SEMA3D: variants seen among roughly 807,000 people sequenced by gnomAD.
SEMA3D encodes semaphorin-3D.
A neutral mutation model predicts 100.1 loss-of-function variants in SEMA3D; 84 were observed. The observed-to-expected ratio is 0.84, with a 90% CI of 0.70 to 1.01. The LOEUF is 1.01. Among genes scored for constraint, SEMA3D ranks in the 50% least tolerant of loss-of-function variants. The pLI is 0.00. For synonymous variants in SEMA3D, 312 were observed against 320.7 expected (o/e 0.97, Z 0.29); for missense variants, 875 against 934.1 (o/e 0.94, Z 0.82).
intron 12 of SEMA3D, chr7:85,029,207 T>G: frequency 1.4e-6 from 1 of 705,572 alleles, no homozygotes; most frequent in Non-Finnish European, 2.7e-6. Context: ...ACCATGGTGC[T>G]CATCAGATTG....
the SEMA3D span, among the ~76,000 whole-genome samples, chr7:85,244,708 CTTTTTT>C: frequency 1.6e-5 from 2 of 121,886 alleles, no homozygotes; most frequent in Non-Finnish European, 3.4e-5. Flanking sequence ...ACTGCACAAT[CTTTTTT>C]TTTTTTTTTT....
upstream of SEMA3D, among the ~76,000 whole-genome samples, chr7:85,189,338 C>T (rs1361290602): frequency 6.6e-6 from 1 of 152,068 alleles, no homozygotes; most frequent in South Asian, 2.1e-4. Context: ...TTTCTAATAA[C>T]TGTATAGGGT....
intron 1 of SEMA3D, among the ~76,000 whole-genome samples, chr7:85,175,873 A>G (rs1791209793): frequency 6.6e-6 from 1 of 152,106 alleles, no homozygotes; most frequent in African/African-American, 2.4e-5. Context: ...ATTTTAAAAT[A>G]TGTCAAGGAT....
chr7:85,068,276 T>C lies in SEMA3D; in HGVS notation c.504A>G (p.Ile168Met). The C allele has an allele frequency of 1.3e-6, 2 of 1,559,872 alleles. No individual in the cohort carries two copies. The highest frequency in any genetic ancestry group is 1.8e-6 in the Non-Finnish European group (2 of 1,130,952). ...IDLGVYKEDI[I>M]FKLDTHNLES... ...CCAAATTATGTGTGTCTAGTTTGAA[T>C]ATAATATCCTGTTATGAGAAATATT... Residue 168 changes from isoleucine to methionine, a missense_variant, in exon 7 of 19, where the codon ATA becomes ATG. Physicochemically the swap from Ile to Met is conservative, Grantham distance 10. Coordinates refer to ENST00000284136, the MANE Select transcript of SEMA3D (RefSeq NM_001384900.1).
chr7:85,240,285 A>G, the SEMA3D span, among the ~76,000 whole-genome samples: 2 of 152,048 alleles, frequency 1.3e-5, no homozygotes, highest in East Asian at 3.9e-4. Context: ...TAGATTGTTG[A>G]TATGATGGAT....
chr7:85,080,589 A>G (rs1424837889), intron 5 of SEMA3D, among the ~76,000 whole-genome samples: 1 of 152,162 alleles, frequency 6.6e-6, no homozygotes, highest in Non-Finnish European at 1.5e-5. Context: ...CCAGGTTACA[A>G]CCTGTTTTCA....
intron 1 of SEMA3D, among the ~76,000 whole-genome samples, chr7:85,173,377 T>A (rs867263802): frequency 1.3e-5 from 2 of 152,056 alleles, no homozygotes; most frequent in Non-Finnish European, 2.9e-5. Context: ...TATTAAGGGT[T>A]TACTCTGTCC....
chr7:85,143,002 T>C (rs1043831272), intron 2 of SEMA3D: 2 of 974,508 alleles, frequency 2.1e-6, no homozygotes, highest in Non-Finnish European at 2.4e-6. Flanking sequence ...TAAACTTTTT[T>C]ATCTTTTCAA....
intron 3 of SEMA3D, among the ~76,000 whole-genome samples, chr7:85,103,792 C>A (rs1017169506): frequency 6.6e-6 from 1 of 151,924 alleles, no homozygotes; most frequent in East Asian, 1.9e-4. Context: ...AGCAAGGACA[C>A]GATTTTTTAT....
the SEMA3D span, among the ~76,000 whole-genome samples, chr7:85,225,555 GA>G: frequency 6.6e-6 from 1 of 152,064 alleles, no homozygotes; most frequent in African/African-American, 2.4e-5. Context: ...TAACCAGATT[GA>G]AAGGTTAAAA....
Position 84,999,518 on chromosome 7 carries a change from G to A in SEMA3D, c.2256C>T (p.His752=), listed in dbSNP as rs765058938. Residue 752 remains histidine (H), a synonymous_variant, in exon 19 of 19, where the codon CAC becomes CAT. Coordinates refer to ENST00000284136, the MANE Select transcript of SEMA3D (RefSeq NM_001384900.1). ...QRNKGGPKWK[H]MQEMKKKRNR... ...TTCGTTTCTTCTTCATTTCCTGCAT[G>A]TGCTTCCACTTTGGGCCCCCCTTGT... is the stretch of plus-strand genomic sequence containing the variant. The A allele has an allele frequency of 6.2e-7, 1 of 1,613,936 alleles. No homozygotes were observed. Among genetic ancestry groups the A allele is most frequent in the Non-Finnish European group, 8.5e-7 (1 of 1,180,026 alleles).
At chr7:85,182,345 T>C (rs1237914987) in intron 1 of SEMA3D, among the ~76,000 whole-genome samples, 2 of 152,172 alleles carry the variant, frequency 1.3e-5, no homozygotes, top group Non-Finnish European at 1.5e-5. Flanking sequence ...ATAACACTTT[T>C]TGCTAAAATC....
chr7:85,032,242 G>A (rs1258736579), intron 12 of SEMA3D, among the ~76,000 whole-genome samples: 2 of 151,924 alleles, frequency 1.3e-5, no homozygotes, highest in African/African-American at 2.4e-5. Context: ...ATGATTTAAT[G>A]TGTAGTGTTA....
chr7:85,151,968 C>T (rs1250405567), intron 2 of SEMA3D, among the ~76,000 whole-genome samples: 3 of 151,886 alleles, frequency 2.0e-5, no homozygotes, highest in South Asian at 2.1e-4. Flanking sequence ...TAGAATAGTT[C>T]ATTATCTTAT....
chr7:85,038,203 T>C lies in SEMA3D; in HGVS notation c.1047-1170A>G, dbSNP rs530107696. ...CCTAAAACTTAAAGTATAATAAAAATAATAATAATAATAACTTAGCATTAA... is the reference window on the plus strand; with the variant it reads ...CCTAAAACTTAAAGTATAATAAAAACAATAATAATAATAACTTAGCATTAA... On this transcript the variant is annotated intron_variant, in intron 11 of 18. Coordinates refer to ENST00000284136, the MANE Select transcript of SEMA3D (RefSeq NM_001384900.1). Among the ~76,000 whole-genome samples the C allele has an allele frequency of 3.9e-4, 59 of 151,988 alleles. No homozygotes were observed. The South Asian group carries it at 0.011, about 27-fold the overall frequency.
intron 12 of SEMA3D, among the ~76,000 whole-genome samples, chr7:85,030,247 G>A (rs532743412): frequency 4.0e-4 from 61 of 151,076 alleles, no homozygotes; most frequent in African/African-American, 1.4e-3. Context: ...AAAAGAACAG[G>A]CTTTTCTGGT....
chr7:85,054,793 C>T (rs1791262016), intron 9 of SEMA3D, among the ~76,000 whole-genome samples: 1 of 152,030 alleles, frequency 6.6e-6, no homozygotes, highest in Non-Finnish European at 1.5e-5. Context: ...AGCTCTTCCC[C>T]TTAATAACTG....
intron 2 of SEMA3D, chr7:85,141,267 T>C (rs1227200771): frequency 3.0e-6 from 3 of 984,384 alleles, no homozygotes; most frequent in Non-Finnish European, 3.6e-6. Flanking sequence ...TTCAAGTTAT[T>C]CCTTTTAAAA....
the SEMA3D span, among the ~76,000 whole-genome samples, chr7:85,235,832 G>A: frequency 6.6e-6 from 1 of 152,184 alleles, no homozygotes; most frequent in Non-Finnish European, 1.5e-5. Context: ...TCTGAGTGAA[G>A]CCAGTCTTAG....
Sources: gnomAD v4.1 joint callset for allele counts (sites outside exome capture counted in the v4.1 genomes callset) on GRCh38, gnomAD v4.1.1 for gene constraint, MANE v1.5 for transcripts, NCBI Gene and HGNC (gene_info 2026-07-23, HGNC 2026-07-21) for gene names.